KCNK2: variants seen among roughly 807,000 people sequenced by gnomAD.
KCNK2 encodes potassium channel subfamily K member 2.
Under a neutral mutation model 40.5 loss-of-function variants are expected in KCNK2, and 21 were observed. The ratio of observed to expected loss-of-function variants is 0.52; its 90% CI spans 0.37 to 0.75. The LOEUF (loss-of-function observed/expected upper bound fraction) is 0.75. Among genes scored for constraint, KCNK2 ranks in the 30% least tolerant of loss-of-function variants. The pLI is 0.00. For missense variants in KCNK2, 399 were observed against 531.6 expected (o/e 0.75, Z 2.45); for synonymous variants, 191 against 202.2 (o/e 0.94, Z 0.47).
intron 3 of KCNK2, among the ~76,000 whole-genome samples, chr1:215,141,174 T>C (rs1293683522): frequency 2.0e-5 from 3 of 152,106 alleles, no homozygotes; most frequent in African/African-American, 4.8e-5. Context: ...TAACTTCTCC[T>C]AGAATATCTA....
At chr1:215,077,492 C>T (rs1390919426) in intron 1 of KCNK2, among the ~76,000 whole-genome samples, 3 of 152,290 alleles carry the variant, frequency 2.0e-5, no homozygotes, top group African/African-American at 7.2e-5. Context: ...TATCTACATG[C>T]TTACATTCTT....
rs189825345 is a variant in KCNK2 at position 215,073,038 on chromosome 1, G to A, written c.35-13330G>A. 1.1e-3 allele frequency among the ~76,000 whole-genome samples: 169 copies of A among 152,242 alleles called. 1 individual carries two copies. In the East Asian group the frequency reaches 0.02, roughly 18 times the overall value. The stretch of plus-strand genomic sequence containing the variant: ...ATGAATGGTGTCCTTTAAAAAGGGG[G>A]AAATTTGGACACAGAGACAGATACA... On this transcript the variant is annotated intron_variant, in intron 1 of 6. Transcript: ENST00000391895.
chr1:215,089,424 G>T (rs1453254311), intron 2 of KCNK2, among the ~76,000 whole-genome samples: 2 of 152,150 alleles, frequency 1.3e-5, no homozygotes, highest in Non-Finnish European at 2.9e-5. Context: ...AGGAGGAAGT[G>T]AGTGGTCTGA....
intron 2 of KCNK2, among the ~76,000 whole-genome samples, chr1:215,091,486 A>G (rs533691366): frequency 1.1e-4 from 17 of 152,336 alleles, no homozygotes; most frequent in Non-Finnish European, 2.4e-4. Context: ...CTTTAAAAAC[A>G]AAACAAAACA....
intron 1 of KCNK2, among the ~76,000 whole-genome samples, chr1:215,052,120 GAAAAATGAACAAGTAATAT>G (rs965050806): frequency 5.3e-5 from 8 of 152,086 alleles, no homozygotes; most frequent in Admixed American, 6.6e-5. Context: ...TGAGACAGGT[GAAAAATGAACAAGTAATAT>G]AATTTCAAAT....
intron 6 of KCNK2, among the ~76,000 whole-genome samples, chr1:215,209,402 A>AT (rs1665488231): frequency 1.6e-5 from 1 of 63,810 alleles, no homozygotes; most frequent in Non-Finnish European, 2.6e-5. Flanking sequence ...TTATATATAA[A>AT]ATATGCATAT....
intron 1 of KCNK2, among the ~76,000 whole-genome samples, chr1:215,056,745 C>T (rs1413357001): frequency 2.0e-5 from 3 of 150,760 alleles, no homozygotes; most frequent in Non-Finnish European, 4.4e-5. Context: ...CATGAGCCAT[C>T]ACATCCAGTC....
chr1:215,083,398 G>A lies in KCNK2; in HGVS notation c.13G>A (p.Ala5Thr), dbSNP rs773706433. 5 of 1,613,834 alleles carry A rather than the reference G, an allele frequency of 3.1e-6. No individual in the cohort carries two copies. The East Asian group carries it at 8.9e-5, about 29-fold the overall frequency. ...TGCTGCATGCCTCATGCTTCCCAGC[G>A]CCTCGCGGGAGAGACCCGGCTATAG... MLPS[A>T]SRERPGYRAG... Residue 5 changes from alanine (A) to threonine (T), a missense_variant, in exon 1 of 7, where the codon GCC becomes ACC. Around this residue, in one of 3 missense-constraint regions of KCNK2, gnomAD observed 279 missense variants for 353.8 expected, o/e 0.79. Coordinates refer to ENST00000444842, the MANE Select transcript of KCNK2 (RefSeq NM_001017425.3).
intron 2 of KCNK2, among the ~76,000 whole-genome samples, chr1:215,101,985 T>A (rs1339137220): frequency 1.3e-5 from 2 of 152,060 alleles, no homozygotes; most frequent in African/African-American, 4.8e-5. Context: ...ATTTTTAAAA[T>A]TTTTTGAGTT....
At chr1:215,013,897 C>T (rs1656493994) in intron 1 of KCNK2, among the ~76,000 whole-genome samples, 1 of 152,014 alleles carries the variant, frequency 6.6e-6, no homozygotes, top group Admixed American at 6.6e-5. Context: ...AGTCAGTGTG[C>T]CTTTTATTTC....
intron 3 of KCNK2, among the ~76,000 whole-genome samples, chr1:215,165,098 A>T (rs902720785): frequency 1.3e-5 from 2 of 152,200 alleles, no homozygotes; most frequent in African/African-American, 4.8e-5. Context: ...GCAAGTGATT[A>T]TCTGGCTTTT....
At chr1:215,038,446 GAGTA>G (rs1657457444) in intron 1 of KCNK2, among the ~76,000 whole-genome samples, 1 of 152,106 alleles carries the variant, frequency 6.6e-6, no homozygotes, top group Admixed American at 6.6e-5. Flanking sequence ...TATGTTCAGG[GAGTA>G]GCCCCTTCCA....
chr1:215,109,356 C>G (rs1660578965), intron 2 of KCNK2, among the ~76,000 whole-genome samples: 1 of 152,046 alleles, frequency 6.6e-6, no homozygotes, highest in African/African-American at 2.4e-5. Context: ...CCACCCCTCT[C>G]CCGCCCACAC....
At chr1:215,168,061 C>T (rs1040563179) in intron 3 of KCNK2, among the ~76,000 whole-genome samples, 2 of 152,036 alleles carry the variant, frequency 1.3e-5, no homozygotes, top group Non-Finnish European at 2.9e-5. Flanking sequence ...AAGATATGAA[C>T]AGACACTTCT....
intron 5 of KCNK2, among the ~76,000 whole-genome samples, chr1:215,182,370 T>A (rs61818348): frequency 6.6e-6 from 1 of 151,928 alleles, no homozygotes. Flanking sequence ...CCAGGAAGCA[T>A]TGGGAAGCTT....
At chr1:215,061,977 C>G (rs909219492) in intron 1 of KCNK2, among the ~76,000 whole-genome samples, 4 of 152,040 alleles carry the variant, frequency 2.6e-5, no homozygotes, top group Non-Finnish European at 5.9e-5. Flanking sequence ...ATTAATTAAA[C>G]ACAGCCTCTA....
intron 6 of KCNK2, among the ~76,000 whole-genome samples, chr1:215,230,865 A>G (rs2102712618): frequency 6.6e-6 from 1 of 152,178 alleles, no homozygotes; most frequent in African/African-American, 2.4e-5. Context: ...ATGAGAAAAA[A>G]AAAGTTTCCA....
chr1:215,039,108 A>G (rs1323377452), intron 1 of KCNK2, among the ~76,000 whole-genome samples: 2 of 152,122 alleles, frequency 1.3e-5, no homozygotes, highest in African/African-American at 2.4e-5. Context: ...GATAGTAATT[A>G]TTCATTTTGT....
In KCNK2 at chr1:215,083,194, T is replaced by TCCCCCCCACC; in HGVS notation, c.-185_-184insACCCCCCCCC. 1 of 501,814 alleles carries TCCCCCCCACC rather than the reference T, an allele frequency of 2.0e-6. No homozygotes were observed. Among genetic ancestry groups the TCCCCCCCACC allele is most frequent in the Non-Finnish European group, 3.3e-6 (1 of 301,554 alleles). The allele number at this position is 501,814 out of a possible 1,614,324, so 31.1% of individuals were successfully genotyped here. On this transcript the variant is annotated 5_prime_UTR_variant, in exon 1 of 7. Coordinates refer to ENST00000444842, the MANE Select transcript of KCNK2 (RefSeq NM_001017425.3). ...CCCGCGATTTCGTTTCTTCTCACGC[T>TCCCCCCCACC]CCCCCCCCCGCCCCCTCCCGCGTCC...
Sources: allele counts gnomAD v4.1 joint callset (sites outside exome capture counted in the v4.1 genomes callset), GRCh38; gene constraint gnomAD v4.1.1; regional missense constraint gnomAD v4.1.1; transcripts MANE v1.5; gene names NCBI Gene and HGNC (gene_info 2026-07-23, HGNC 2026-07-21).